The following PLPP3 variants were observed in gnomAD, a reference collection of about 807,000 sequenced individuals.
PLPP3 encodes phospholipid phosphatase 3.
In PLPP3, 6 loss-of-function variants were observed where a neutral mutation model predicts 29.6. That is an observed-to-expected ratio of 0.20 (90% CI 0.11 to 0.40). The LOEUF (loss-of-function observed/expected upper bound fraction) is 0.40, where lower values mean the gene tolerates loss of function less well. PLPP3 is among the 10% of genes least tolerant of loss of function. PLPP3 has a pLI of 1.00. For missense variants in PLPP3, 308 were observed against 407.7 expected, an observed-to-expected ratio of 0.76 and a Z score of 2.11; for synonymous variants, 152 against 159.7, an observed-to-expected ratio of 0.95 and a Z score of 0.36.
chr1:56,552,803 T>C (rs529638853), intron 1 of PLPP3, among the ~76,000 whole-genome samples: 34 of 152,284 alleles, frequency 2.2e-4, no homozygotes, highest in Admixed American at 5.2e-4. Context: ...GAGAAACATA[T>C]GGCTTCAAGA....
At chr1:56,571,526 A>G (rs1646198692) in intron 1 of PLPP3, among the ~76,000 whole-genome samples, 1 of 152,216 alleles carries the variant, frequency 6.6e-6, no homozygotes, top group Non-Finnish European at 1.5e-5. Flanking sequence ...TGACCTTGGT[A>G]TCGTTGATAA....
chr1:56,523,936 TTGTC>T (rs1318318002), intron 3 of PLPP3, 56 bp from the exon 4 acceptor site: 5 of 1,569,722 alleles, frequency 3.2e-6, no homozygotes, highest in African/African-American at 1.4e-5. Context: ...TGATACACAC[TTGTC>T]TGTCTGTCTT....
chr1:56,525,275 T>C (rs1645845431), intron 2 of PLPP3, among the ~76,000 whole-genome samples: 1 of 152,190 alleles, frequency 6.6e-6, no homozygotes, highest in Non-Finnish European at 1.5e-5. Context: ...ATGAATAGAA[T>C]ACCAGTCTAA....
At chr1:56,564,468 C>T (rs550463317) in intron 1 of PLPP3, among the ~76,000 whole-genome samples, 68 of 152,176 alleles carry the variant, frequency 4.5e-4, no homozygotes, top group African/African-American at 1.5e-3. Context: ...CAGATGCAAA[C>T]GTTATCATTT....
chr1:56,543,600 G>C (rs1034017890), intron 1 of PLPP3, among the ~76,000 whole-genome samples: 2 of 152,268 alleles, frequency 1.3e-5, no homozygotes, highest in Admixed American at 6.5e-5. Context: ...ATTGCTACTG[G>C]TCTTAGAAGT....
chr1:56,566,580 A>G (rs1033539401), intron 1 of PLPP3, among the ~76,000 whole-genome samples: 1 of 152,190 alleles, frequency 6.6e-6, no homozygotes, highest in African/African-American at 2.4e-5. Context: ...CAGCCCCGAT[A>G]CATATCAGCT....
intron 4 of PLPP3, among the ~76,000 whole-genome samples, chr1:56,519,628 T>C (rs1645805119): frequency 6.6e-6 from 1 of 152,262 alleles, no homozygotes; most frequent in East Asian, 1.9e-4. Context: ...CCAGATAGCA[T>C]GTCATCCTCA....
intron 1 of PLPP3, among the ~76,000 whole-genome samples, chr1:56,551,629 A>C (rs1308625419): frequency 6.6e-6 from 1 of 152,178 alleles, no homozygotes; most frequent in Non-Finnish European, 1.5e-5. Context: ...ATCATACCCC[A>C]GGTACTTCTG....
At chr1:56,549,805 C>T (rs763001719) in intron 1 of PLPP3, among the ~76,000 whole-genome samples, 81 of 152,248 alleles carry the variant, frequency 5.3e-4, no homozygotes, top group Non-Finnish European at 7.9e-4. Flanking sequence ...AAAAATTGAA[C>T]GAATGTTTGG....
At chr1:56,521,234 CAA>C (rs765448174) in intron 4 of PLPP3, among the ~76,000 whole-genome samples, 15 of 54,782 alleles carry the variant, frequency 2.7e-4, no homozygotes, top group African/African-American at 7.5e-4. Flanking sequence ...GACTCTGTCT[CAA>C]AAAAAAAAAA....
intron 2 of PLPP3, among the ~76,000 whole-genome samples, chr1:56,527,230 G>GAA (rs1246381312): frequency 6.6e-6 from 1 of 152,140 alleles, no homozygotes; most frequent in Non-Finnish European, 1.5e-5. Context: ...TCACTCAAGG[G>GAA]AAAACAAGGA....
chr1:56,556,996 A>AAG (rs1557513436), intron 1 of PLPP3, among the ~76,000 whole-genome samples: 1 of 19,384 alleles, frequency 5.2e-5, no homozygotes, highest in Non-Finnish European at 1.1e-4. Context: ...GAAAGAAAGA[A>AAG]AGAAAGAAAG....
In PLPP3 at chr1:56,510,494, T is replaced by C. The variant is rs184975083; in HGVS notation, c.810+1482A>G. Among the ~76,000 whole-genome samples the C allele has an allele frequency of 1.7e-3, 260 of 152,390 alleles. 3 individuals carry two copies. Among genetic ancestry groups the C allele is most frequent in the Admixed American group, 5.2e-3 (79 of 15,308 alleles). On this transcript the variant is annotated intron_variant, in intron 5 of 5. Coordinates refer to ENST00000371250, the MANE Select transcript of PLPP3 (RefSeq NM_003713.5). The stretch of plus-strand genomic sequence containing the variant: ...TCTTCGTGGTGCCCACTCTGATTGC[T>C]GCAACTCCTTCTCCCTCTTCTTGAC...
chr1:56,569,632 A>C (rs1012755857), intron 1 of PLPP3, among the ~76,000 whole-genome samples: 1 of 152,196 alleles, frequency 6.6e-6, no homozygotes, highest in Non-Finnish European at 1.5e-5. Flanking sequence ...GAAAAACAAA[A>C]AGAAAACTTC....
chr1:56,537,842 G>A (rs982010686), intron 1 of PLPP3, among the ~76,000 whole-genome samples: 4 of 152,132 alleles, frequency 2.6e-5, no homozygotes, highest in Admixed American at 6.5e-5. Flanking sequence ...AGGGCCCAGG[G>A]CACCCAGGAG....
intron 2 of PLPP3, among the ~76,000 whole-genome samples, chr1:56,527,374 A>C (rs1645859146): frequency 6.6e-6 from 1 of 152,180 alleles, no homozygotes; most frequent in Non-Finnish European, 1.5e-5. Context: ...ACAGATGGAG[A>C]TACTAAGGCT....
chr1:56,569,030 C>T (rs758635208), intron 1 of PLPP3, among the ~76,000 whole-genome samples: 25 of 152,078 alleles, frequency 1.6e-4, no homozygotes, highest in African/African-American at 5.1e-4. Context: ...CTCCCATTTG[C>T]CTACCCTCAA....
At chr1:56,497,302 G>C (rs1557494973) in intron 5 of PLPP3, among the ~76,000 whole-genome samples, 1 of 152,162 alleles carries the variant, frequency 6.6e-6, no homozygotes, top group African/African-American at 2.4e-5. Context: ...TTCCTCCTGG[G>C]GATGTGACCT....
intron 1 of PLPP3, among the ~76,000 whole-genome samples, chr1:56,556,325 C>A (rs1227255113): frequency 6.6e-6 from 1 of 151,984 alleles, no homozygotes; most frequent in Non-Finnish European, 1.5e-5. Context: ...TGAGATTACA[C>A]AAAGATACAG....
Sources: allele counts gnomAD v4.1 joint callset (sites outside exome capture counted in the v4.1 genomes callset), GRCh38; gene constraint gnomAD v4.1.1; transcripts MANE v1.5; gene names NCBI Gene and HGNC (gene_info 2026-07-23, HGNC 2026-07-21).